Variants in CARMIL1 observed in about 807,000 individuals in gnomAD.
CARMIL1 encodes the protein F-actin-uncapping protein LRRC16A.
In CARMIL1, 90 loss-of-function variants were observed where a neutral mutation model predicts 177.1. That is an observed-to-expected ratio of 0.51 (90% CI 0.43 to 0.61). The LOEUF (loss-of-function observed/expected upper bound fraction) is 0.61. CARMIL1 is among the 20% of genes least tolerant of loss of function. CARMIL1 has a pLI of 0.00. For missense variants in CARMIL1, 1,380 were observed against 1,667.0 expected, an observed-to-expected ratio of 0.83 and a Z score of 3.00; for synonymous variants, 577 against 606.2, an observed-to-expected ratio of 0.95 and a Z score of 0.71.
At chr6:25,373,942 C>T (rs1219695205) in intron 2 of CARMIL1, among the ~76,000 whole-genome samples, 4 of 152,158 alleles carry the variant, frequency 2.6e-5, no homozygotes, top group Non-Finnish European at 5.9e-5. Context: ...AGCTAATCAT[C>T]TATCGATTTT....
chr6:25,615,869 C>T (rs1342168865), intron 36 of CARMIL1, among the ~76,000 whole-genome samples: 1 of 152,164 alleles, frequency 6.6e-6, no homozygotes, highest in East Asian at 1.9e-4. Context: ...TCATATGGTT[C>T]TCTAATTCTG....
rs1213735953 is a variant in CARMIL1, at chr6:25,558,848, A to C, written c.2742+1998A>C. On this transcript the variant is annotated intron_variant, in intron 29 of 36. Transcript: ENST00000329474. The surrounding 1 kb of genome is among the most constrained non-coding windows in gnomAD (Gnocchi z 4.1). Reference sequence around the variant, plus strand: ...AGAGAAACACAAGAGCTCTTCATCAAAAAAAGAATATATAGGTAGGCATGA... The same window carrying C: ...AGAGAAACACAAGAGCTCTTCATCACAAAAAGAATATATAGGTAGGCATGA... 6.6e-6 allele frequency among the ~76,000 whole-genome samples: 1 copy of C among 152,146 alleles called. No individual in the cohort carries two copies. Among genetic ancestry groups the C allele is most frequent in the Non-Finnish European group, 1.5e-5 (1 of 68,020 alleles).
chr6:25,471,687 G>T (rs893769612), intron 10 of CARMIL1, among the ~76,000 whole-genome samples: 1 of 152,216 alleles, frequency 6.6e-6, no homozygotes, highest in Non-Finnish European at 1.5e-5. Context: ...GATGGTATAT[G>T]TAGGTTTAAT....
At chr6:25,422,482 G>A (rs933622340) in intron 3 of CARMIL1, among the ~76,000 whole-genome samples, 2 of 151,108 alleles carry the variant, frequency 1.3e-5, no homozygotes, top group African/African-American at 2.4e-5. Context: ...TTTTCCTCCC[G>A]ATCATACAAA....
chr6:25,564,887 G>A (rs1196068053), intron 29 of CARMIL1, among the ~76,000 whole-genome samples: 3 of 152,140 alleles, frequency 2.0e-5, no homozygotes, highest in African/African-American at 7.2e-5. Flanking sequence ...TCTGGTAAAG[G>A]TAGGCAGGTT....
intron 2 of CARMIL1, among the ~76,000 whole-genome samples, chr6:25,324,973 G>A (rs564062467): frequency 6.6e-6 from 1 of 152,174 alleles, no homozygotes; most frequent in South Asian, 2.1e-4. Flanking sequence ...CAGGGGCCAA[G>A]CCATGCAGAG....
intron 12 of CARMIL1, among the ~76,000 whole-genome samples, chr6:25,485,723 C>T (rs138873187): frequency 6.6e-6 from 1 of 152,324 alleles, no homozygotes; most frequent in East Asian, 1.9e-4. Context: ...GCATGAGCCA[C>T]CATGCCTGGC....
At chr6:25,607,460 C>T (rs887033174) in intron 35 of CARMIL1, among the ~76,000 whole-genome samples, 32 of 152,100 alleles carry the variant, frequency 2.1e-4, no homozygotes, top group African/African-American at 7.5e-4. Flanking sequence ...CGTCACTGCT[C>T]CATTTTACGG....
rs1303748835 is a variant in CARMIL1 at position 25,558,836 on chromosome 6, A to T, written c.2742+1986A>T. On this transcript the variant is annotated intron_variant, in intron 29 of 36. Transcript: ENST00000329474. This position sits in a 1 kb window ranked among gnomAD's most constrained non-coding sequence, Gnocchi z 4.1. The stretch of plus-strand genomic sequence containing the variant: ...TGAGGGAGTGACAGAGAAACACAAG[A>T]GCTCTTCATCAAAAAAAGAATATAT... 6.6e-6 allele frequency among the ~76,000 whole-genome samples: 1 copy of T among 152,102 alleles called. No homozygotes were observed. Among genetic ancestry groups the T allele is most frequent in the East Asian group, 1.9e-4 (1 of 5,194 alleles).
At chr6:25,572,059 T>C (rs1411068713) in intron 29 of CARMIL1, among the ~76,000 whole-genome samples, 1 of 152,250 alleles carries the variant, frequency 6.6e-6, no homozygotes, top group Non-Finnish European at 1.5e-5. Context: ...GCAATTGCTG[T>C]TAATTATCTT....
In CARMIL1 at chr6:25,408,792, A is replaced by G. The variant is rs111423281; in HGVS notation, c.139-11322A>G. 2.0e-5 allele frequency among the ~76,000 whole-genome samples: 3 copies of G among 151,512 alleles called. No homozygotes were observed. The East Asian group carries it at 5.8e-4, about 29-fold the overall frequency. The stretch of plus-strand genomic sequence containing the variant: ...CCAGGAGTTAAGACCGGCCTGGGCA[A>G]TGTAGTGAGACCCTGTCTCTACATA... On this transcript the variant is annotated intron_variant, in intron 2 of 36. Coordinates refer to ENST00000329474, the MANE Select transcript of CARMIL1 (RefSeq NM_017640.6).
chr6:25,319,661 A>G (rs1412883711), intron 2 of CARMIL1, among the ~76,000 whole-genome samples: 1 of 152,150 alleles, frequency 6.6e-6, no homozygotes, highest in Non-Finnish European at 1.5e-5. Flanking sequence ...ACATTTTCAA[A>G]GGAGTAGATG....
At chr6:25,412,631 G>A (rs1795012399) in intron 2 of CARMIL1, among the ~76,000 whole-genome samples, 1 of 152,122 alleles carries the variant, frequency 6.6e-6, no homozygotes, top group African/African-American at 2.4e-5. Flanking sequence ...TTTGCTCTTA[G>A]CCATGTATAT....
chr6:25,313,206 G>GA (rs56193761), intron 2 of CARMIL1, among the ~76,000 whole-genome samples: 78 of 151,346 alleles, frequency 5.2e-4, no homozygotes, highest in Admixed American at 2.1e-3. Context: ...GAATGATTAA[G>GA]AAAAAAAAAC....
At chr6:25,421,519 A>T (rs9467508) in intron 3 of CARMIL1, among the ~76,000 whole-genome samples, 1 of 151,548 alleles carries the variant, frequency 6.6e-6, no homozygotes, top group Non-Finnish European at 1.5e-5. Context: ...CCATCGCATT[A>T]CTGGGTATAT....
intron 29 of CARMIL1, among the ~76,000 whole-genome samples, chr6:25,575,629 T>A (rs1039592447): frequency 1.3e-5 from 2 of 152,232 alleles, no homozygotes; most frequent in African/African-American, 4.8e-5. Context: ...AAATATATTT[T>A]TACTTTTTCT....
At chr6:25,601,460 A>G (rs1019098119) in intron 33 of CARMIL1, among the ~76,000 whole-genome samples, 7 of 152,216 alleles carry the variant, frequency 4.6e-5, no homozygotes, top group Non-Finnish European at 7.3e-5. Flanking sequence ...AATATTGAAG[A>G]TAGGTGAACT....
chr6:25,300,879 A>C (rs1782811391), intron 2 of CARMIL1, among the ~76,000 whole-genome samples: 2 of 152,256 alleles, frequency 1.3e-5, no homozygotes, highest in Admixed American at 1.3e-4. Context: ...AGAGACCCAT[A>C]GAATAAACCT....
At chr6:25,420,201 C>A in intron 3 of CARMIL1, 37 bp downstream of exon 3, 1 of 1,591,376 alleles carries the variant, frequency 6.3e-7, no homozygotes, top group Non-Finnish European at 8.6e-7. Flanking sequence ...TGCACTCACA[C>A]TCACTCATAC....
Sources: gnomAD v4.1 joint callset for allele counts (sites outside exome capture counted in the v4.1 genomes callset) on GRCh38, gnomAD v4.1.1 for gene constraint, Gnocchi (gnomAD v3.1) non-coding constraint, MANE v1.5 for transcripts, NCBI Gene and HGNC (gene_info 2026-07-23, HGNC 2026-07-21) for gene names.